Variants in SLC25A48 observed in about 807,000 individuals in gnomAD.
The protein encoded by SLC25A48 is CTC-321K16.1.
SLC25A48 carries 29 observed loss-of-function variants against 32.2 expected under a neutral mutation model. The observed-to-expected ratio is 0.90, with a 90% CI of 0.67 to 1.23. The LOEUF is 1.23. Among genes scored for constraint, SLC25A48 ranks in the 50% most tolerant of loss-of-function variants. The pLI is 0.00. For synonymous variants in SLC25A48, 164 were observed against 172.3 expected, an observed-to-expected ratio of 0.95 and a Z score of 0.38; for missense variants, 399 against 422.7, an observed-to-expected ratio of 0.94 and a Z score of 0.49.
chr5:135,876,788 A>G (rs1224000013), intron 6 of SLC25A48, among the ~76,000 whole-genome samples: 3 of 152,214 alleles, frequency 2.0e-5, no homozygotes, highest in Non-Finnish European at 4.4e-5. Flanking sequence ...ACCATCTAAA[A>G]CAATCAGGTT....
intron 3 of SLC25A48, among the ~76,000 whole-genome samples, chr5:135,765,794 C>T (rs2127022097): frequency 6.6e-6 from 1 of 151,526 alleles, no homozygotes; most frequent in East Asian, 2.0e-4. Context: ...TATTACTCTC[C>T]ATATTGCAGG....
intron 3 of SLC25A48, among the ~76,000 whole-genome samples, chr5:135,797,348 C>A (rs1757211084): frequency 1.3e-5 from 2 of 151,766 alleles, no homozygotes; most frequent in Admixed American, 6.6e-5. Context: ...GGTTTACACA[C>A]CCACTGTGAT....
In SLC25A48 at chr5:135,834,762, C is replaced by A; in HGVS notation, c.-86C>A. 2.8e-6 allele frequency: 4 copies of A among 1,413,646 alleles called. No homozygotes were observed. Among genetic ancestry groups the A allele is most frequent in the Non-Finnish European group, 2.8e-6 (3 of 1,055,468 alleles). 87.6% of individuals were successfully genotyped at this position (1,413,646 alleles called of 1,614,324 possible). A position where few individuals can be genotyped will look rare whatever the true frequency, so the allele number is the denominator to read the frequency against. ...GCTCGAGACTCCGACTTCGGTCTTG[C>A]GGCGCGCTCGCGCCCGCGGGCCATG... is the stretch of plus-strand genomic sequence containing the variant. On this transcript the variant is annotated 5_prime_UTR_variant, in exon 1 of 8. Coordinates refer to ENST00000681962, the MANE Select transcript of SLC25A48 (RefSeq NM_001349336.2).
intron 3 of SLC25A48, among the ~76,000 whole-genome samples, chr5:135,697,961 C>T (rs907361860): frequency 2.0e-5 from 3 of 152,322 alleles, no homozygotes; most frequent in Non-Finnish European, 4.4e-5. Flanking sequence ...ACCCAGGCTC[C>T]CACCTCACCT....
At chr5:135,661,914 T>G (rs532390079) in intron 3 of SLC25A48, among the ~76,000 whole-genome samples, 1 of 152,264 alleles carries the variant, frequency 6.6e-6, no homozygotes, top group South Asian at 2.1e-4. Context: ...TGTGTCCAAG[T>G]TTTTGCCTTT....
intron 1 of SLC25A48, among the ~76,000 whole-genome samples, chr5:135,839,554 T>A (rs938921311): frequency 3.3e-5 from 5 of 152,202 alleles, no homozygotes; most frequent in African/African-American, 4.8e-5. Context: ...CTTTGGACTG[T>A]GGACTTTTGA....
At chr5:135,844,754 T>G (rs112715914) in intron 2 of SLC25A48, among the ~76,000 whole-genome samples, 40 of 152,318 alleles carry the variant, frequency 2.6e-4, no homozygotes, top group Middle Eastern at 3.4e-3. Context: ...AATTGGAGAA[T>G]GTGTTTCAAT....
At chr5:135,621,612 G>T (rs1752326630) in intron 1 of SLC25A48, among the ~76,000 whole-genome samples, 1 of 152,126 alleles carries the variant, frequency 6.6e-6, no homozygotes. Context: ...ATATAGGAAT[G>T]TAGTTTATTA....
Position 135,765,384 on chromosome 5 carries a change from G to A in SLC25A48, c.-520-47139G>A, listed in dbSNP as rs182897434. 2.0e-5 allele frequency among the ~76,000 whole-genome samples: 3 copies of A among 151,670 alleles called. No individual in the cohort carries two copies. In the East Asian group the frequency reaches 5.8e-4, roughly 29 times the overall value. ...AAAGGGTGATACTACTCTTCATATC[G>A]CTGGTGGTGTACACCCACTTGTGAT... On this transcript the variant is annotated intron_variant, in intron 3 of 10. Coordinates refer to the SLC25A48 transcript ENST00000646290.
At chr5:135,760,737 A>G (rs1259186716) in intron 3 of SLC25A48, among the ~76,000 whole-genome samples, 1 of 152,164 alleles carries the variant, frequency 6.6e-6, no homozygotes, top group Admixed American at 6.5e-5. Context: ...TTTCCTAAGC[A>G]AGGTGGGGCT....
chr5:135,758,844 C>T (rs1755988934), intron 3 of SLC25A48, among the ~76,000 whole-genome samples: 1 of 150,498 alleles, frequency 6.6e-6, no homozygotes, highest in Non-Finnish European at 1.5e-5. Context: ...AGAATATTAT[C>T]TATGCTATAA....
At chr5:135,607,745 T>C (rs1751970963) in intron 1 of SLC25A48, among the ~76,000 whole-genome samples, 1 of 152,244 alleles carries the variant, frequency 6.6e-6, no homozygotes, top group African/African-American at 2.4e-5. Context: ...TGTTAGTTCC[T>C]AGTGGAAGCT....
chr5:135,842,124 G>T (rs1759053078), intron 1 of SLC25A48, among the ~76,000 whole-genome samples: 1 of 152,064 alleles, frequency 6.6e-6, no homozygotes, highest in Non-Finnish European at 1.5e-5. Context: ...ATTTAATTTT[G>T]TATATGGTAT....
chr5:135,645,177 T>C (rs1752930874), intron 3 of SLC25A48, among the ~76,000 whole-genome samples: 1 of 152,224 alleles, frequency 6.6e-6, no homozygotes. Flanking sequence ...GTTTTCCCTT[T>C]GGTTGTTCAC....
rs189038585 is a variant in SLC25A48, at chr5:135,803,122, G to T, written c.-520-9401G>T. 1.6e-3 allele frequency: 245 copies of T among 151,472 alleles called. 1 individual carries two copies. Among genetic ancestry groups the T allele is most frequent in the African/African-American group, 5.7e-3 (236 of 41,374 alleles). 9.4% of individuals were successfully genotyped at this position (151,472 alleles called of 1,614,324 possible). Reference sequence around the variant, plus strand: ...GGTATTACTCTTAATATCACAGTGGGTGTACACCTTGTGTGTACATCCATT... The same window carrying T: ...GGTATTACTCTTAATATCACAGTGGTTGTACACCTTGTGTGTACATCCATT... On this transcript the variant is annotated intron_variant, in intron 3 of 10. Transcript: ENST00000646290.
intron 3 of SLC25A48, among the ~76,000 whole-genome samples, chr5:135,808,640 G>A (rs17169129): frequency 0.047 from 7,160 of 152,060 alleles, 349 homozygotes; most frequent in African/African-American, 0.12. Flanking sequence ...ACCAGAGCCC[G>A]CTTGCTTTTC....
At chr5:135,588,805 G>A (rs1751436285) in intron 1 of SLC25A48, among the ~76,000 whole-genome samples, 1 of 152,128 alleles carries the variant, frequency 6.6e-6, no homozygotes, top group Non-Finnish European at 1.5e-5. Flanking sequence ...GGGAGTGTGG[G>A]CAGCAAGAGG....
intron 3 of SLC25A48, among the ~76,000 whole-genome samples, chr5:135,804,718 A>G (rs1382415819): frequency 1.3e-5 from 2 of 151,642 alleles, no homozygotes; most frequent in Non-Finnish European, 3.0e-5. Context: ...TTCATATCAT[A>G]GAAATATATT....
chr5:135,776,501 CA>C (rs1182744596), intron 3 of SLC25A48, among the ~76,000 whole-genome samples: 1 of 151,638 alleles, frequency 6.6e-6, no homozygotes, highest in Non-Finnish European at 1.5e-5. Context: ...TCCTAATATC[CA>C]GGGGGGAAGA....
Sources: allele counts gnomAD v4.1 joint callset (sites outside exome capture counted in the v4.1 genomes callset), GRCh38; gene constraint gnomAD v4.1.1; transcripts MANE v1.5; gene names NCBI Gene and HGNC (gene_info 2026-07-23, HGNC 2026-07-21).